The following ANKRD29 variants were observed in gnomAD, a reference collection of about 807,000 sequenced individuals.
ANKRD29 encodes the protein ankyrin repeat domain 29, also known as ankyrin repeat domain-containing protein 29.
A neutral mutation model predicts 38.0 loss-of-function variants in ANKRD29; 32 were observed. The observed-to-expected ratio is 0.84, with a 90% CI of 0.64 to 1.13. The LOEUF (loss-of-function observed/expected upper bound fraction) is 1.13. ANKRD29 is among the 50% of genes most tolerant of loss of function. The probability of loss-of-function intolerance (pLI) is 0.00; values close to 1 mark genes in which losing one functional copy is unlikely to be tolerated. For missense variants in ANKRD29, 357 were observed against 377.9 expected (o/e 0.94, Z 0.46); for synonymous variants, 135 against 152.4 (o/e 0.89, Z 0.84).
intron 5 of ANKRD29, among the ~76,000 whole-genome samples, chr18:23,631,273 T>C (rs1231752563): frequency 1.3e-5 from 2 of 150,084 alleles, no homozygotes; most frequent in Non-Finnish European, 3.0e-5. Flanking sequence ...AGGGTCTCCC[T>C]CTGTCACTCA....
At chr18:23,647,532 T>A (rs1047103577) in intron 2 of ANKRD29, 2 of 149,120 alleles carry the variant, frequency 1.3e-5, no homozygotes, top group African/African-American at 2.4e-5. Flanking sequence ...TCTATGGTAT[T>A]TTTTTTTTTT....
At chr18:23,625,582 A>G (rs946447932) in intron 6 of ANKRD29, among the ~76,000 whole-genome samples, 2 of 152,188 alleles carry the variant, frequency 1.3e-5, no homozygotes, top group Non-Finnish European at 2.9e-5. Context: ...TTCTGTTCCA[A>G]TGAGGCCTGG....
chr18:23,660,634 C>T (rs1416778790), intron 1 of ANKRD29, among the ~76,000 whole-genome samples: 2 of 152,146 alleles, frequency 1.3e-5, no homozygotes, highest in Non-Finnish European at 1.5e-5. Flanking sequence ...GGCGAAACCC[C>T]GTCTCTACTA....
chr18:23,654,324 A>AAATCAATC (rs1216033335), intron 1 of ANKRD29, among the ~76,000 whole-genome samples: 7 of 140,494 alleles, frequency 5.0e-5, no homozygotes, highest in African/African-American at 1.6e-4. Context: ...ATAAATAAAT[A>AAATCAATC]AATCCAAGTC....
intron 9 of ANKRD29, among the ~76,000 whole-genome samples, chr18:23,607,721 T>C (rs1044355565): frequency 6.6e-6 from 1 of 152,222 alleles, no homozygotes; most frequent in Non-Finnish European, 1.5e-5. Flanking sequence ...CAGATTGATG[T>C]GATGGCGAGT....
intron 3 of ANKRD29, among the ~76,000 whole-genome samples, chr18:23,642,967 A>G (rs1405012372): frequency 6.6e-6 from 1 of 152,024 alleles, no homozygotes; most frequent in Non-Finnish European, 1.5e-5. Flanking sequence ...TATAAAACAA[A>G]CTCACATACT....
chr18:23,606,358 G>A (rs2059575212), intron 9 of ANKRD29, among the ~76,000 whole-genome samples: 1 of 152,168 alleles, frequency 6.6e-6, no homozygotes, highest in African/African-American at 2.4e-5. Flanking sequence ...GGCTTCAAGC[G>A]ATCCTGCTGC....
chr18:23,616,327 G>A lies in ANKRD29; in HGVS notation c.723+1405C>T, dbSNP rs192960800. Among the ~76,000 whole-genome samples the A allele has an allele frequency of 2.3e-3, 337 of 149,468 alleles. 1 individual carries two copies. Among genetic ancestry groups the A allele is most frequent in the Non-Finnish European group, 4.0e-3 (269 of 67,582 alleles). ...GAGGATTGCTTAAGGCTGGGAGTTTGAGACCAGCTTGGACAATATAGTGAG... is the reference window on the plus strand; with the variant it reads ...GAGGATTGCTTAAGGCTGGGAGTTTAAGACCAGCTTGGACAATATAGTGAG... On this transcript the variant is annotated intron_variant, in intron 8 of 9. Coordinates refer to ENST00000592179, the MANE Select transcript of ANKRD29 (RefSeq NM_173505.4).
intron 4 of ANKRD29, among the ~76,000 whole-genome samples, chr18:23,634,406 C>T (rs2059977402): frequency 6.7e-6 from 1 of 149,786 alleles, no homozygotes; most frequent in Non-Finnish European, 1.5e-5. Context: ...TCTCTTGCCT[C>T]AGCCTCCCAA....
intron 7 of ANKRD29, 170 bp downstream of exon 7, chr18:23,619,358 TGGA>T (rs1322122068): frequency 9.7e-6 from 6 of 616,716 alleles, no homozygotes; most frequent in African/African-American, 9.6e-5. Flanking sequence ...TCATCTCGGG[TGGA>T]GGAGGAGAGA....
At chr18:23,646,409 C>A in intron 2 of ANKRD29, 122 bp from the exon 3 acceptor site, 1 of 718,990 alleles carries the variant, frequency 1.4e-6, no homozygotes, top group South Asian at 2.0e-5. Context: ...AAATTCCCTG[C>A]AGTGATAAAA....
intron 3 of ANKRD29, among the ~76,000 whole-genome samples, chr18:23,644,978 C>G (rs576123451): frequency 2.0e-5 from 3 of 152,332 alleles, no homozygotes; most frequent in Admixed American, 2.0e-4. Flanking sequence ...TAATTTGCTC[C>G]ACTCAGAGGT....
chr18:23,653,482 C>A (rs574939836), intron 1 of ANKRD29, among the ~76,000 whole-genome samples: 2 of 152,212 alleles, frequency 1.3e-5, no homozygotes, highest in Non-Finnish European at 2.9e-5. Context: ...AACTCCTGAC[C>A]TCGTGATCCG....
intron 6 of ANKRD29, among the ~76,000 whole-genome samples, chr18:23,624,506 T>C (rs1206800225): frequency 1.4e-5 from 1 of 73,876 alleles, no homozygotes; most frequent in South Asian, 4.4e-4. Flanking sequence ...AAAAAGGTAA[T>C]AGAACATTTA....
chr18:23,661,431 C>A (rs554621699), intron 1 of ANKRD29, among the ~76,000 whole-genome samples: 42 of 152,200 alleles, frequency 2.8e-4, no homozygotes, highest in Non-Finnish European at 5.6e-4. Context: ...GTCGGCCGGG[C>A]GTAGTGGCTC....
intron 1 of ANKRD29, among the ~76,000 whole-genome samples, chr18:23,662,024 GAAAAAAA>G (rs369229716): frequency 2.0e-5 from 2 of 99,132 alleles, no homozygotes; most frequent in African/African-American, 7.6e-5. Flanking sequence ...TTTCTCATTT[GAAAAAAA>G]AAAAAAAAAG....
rs1555651224 is a variant in ANKRD29, at chr18:23,616,578, G to GTATATATATATATACTATATATACAGTA, written c.723+1153_723+1154insTACTGTATATATAGTATATATATATATA. 2.7e-3 allele frequency among the ~76,000 whole-genome samples: 363 copies of GTATATATATATATACTATATATACAGTA among 133,008 alleles called. 2 individuals are homozygous for GTATATATATATATACTATATATACAGTA. The highest frequency in any genetic ancestry group is 9.8e-3 in the African/African-American group (345 of 35,114). 87.3% of individuals were successfully genotyped at this position (133,008 alleles called of 152,430 possible). A position where few individuals can be genotyped will look rare whatever the true frequency, so the allele number is the denominator to read the frequency against. The stretch of plus-strand genomic sequence containing the variant: ...TATATATATATACACTATATATACA[G>GTATATATATATATACTATATATACAGTA]TATATATATATATATACTATATATA... On this transcript the variant is annotated intron_variant, in intron 8 of 9. Coordinates refer to ENST00000592179, the MANE Select transcript of ANKRD29 (RefSeq NM_173505.4).
chr18:23,611,542 G>A (rs931690810), intron 9 of ANKRD29, among the ~76,000 whole-genome samples: 2 of 152,090 alleles, frequency 1.3e-5, no homozygotes, highest in East Asian at 1.9e-4. Flanking sequence ...AAAATTAGCC[G>A]GGCATGGTGG....
At chr18:23,623,711 T>C in intron 6 of ANKRD29, among the ~76,000 whole-genome samples, 1 of 151,954 alleles carries the variant, frequency 6.6e-6, no homozygotes, top group Non-Finnish European at 1.5e-5. Flanking sequence ...GGCACAATCT[T>C]GGCTCACTGC....
Sources: allele counts gnomAD v4.1 joint callset (sites outside exome capture counted in the v4.1 genomes callset), GRCh38; gene constraint gnomAD v4.1.1; transcripts MANE v1.5; gene names NCBI Gene and HGNC (gene_info 2026-07-23, HGNC 2026-07-21).